The following ATP2A2 variants were observed in gnomAD, a reference collection of about 807,000 sequenced individuals.
ATP2A2 encodes ATPase sarcoplasmic/endoplasmic reticulum Ca2+ transporting 2, also known as sarcoplasmic/endoplasmic reticulum calcium ATPase 2.
In ATP2A2, 14 loss-of-function variants were observed where a neutral mutation model predicts 109.3. The ratio of observed to expected loss-of-function variants is 0.13; its 90% CI spans 0.08 to 0.20. The LOEUF (loss-of-function observed/expected upper bound fraction) is 0.20. Ranked by LOEUF, ATP2A2 falls within the 10% of genes least tolerant of loss-of-function variation. The pLI is 1.00. For synonymous variants in ATP2A2, 506 were observed against 490.9 expected (o/e 1.03, Z -0.41); for missense variants, 657 against 1,321.6 (o/e 0.50, Z 7.80).
chr12:110,287,029 G>C (rs900184416), intron 3 of ATP2A2, among the ~76,000 whole-genome samples: 1 of 152,100 alleles, frequency 6.6e-6, no homozygotes, highest in African/African-American at 2.4e-5. Flanking sequence ...GAGGTGGGTG[G>C]ATCATTTGAG....
chr12:110,321,296 G>A lies in ATP2A2; in HGVS notation c.464-1696G>A, dbSNP rs144342587. ...GACAGGAGTGCTATTTTGCCATTTT[G>A]TATATGACTGGTAACATGCAATTCA... On this transcript the variant is annotated intron_variant, in intron 5 of 19. Transcript: ENST00000539276. Among the ~76,000 whole-genome samples, 231 of 152,284 alleles carry A rather than the reference G, an allele frequency of 1.5e-3. 1 individual carries two copies. The highest frequency in any genetic ancestry group is 5.3e-3 in the African/African-American group (219 of 41,556).
At position 110,341,846 on chromosome 12, in the gene ATP2A2, C is replaced by A. The variant is rs150773563; in HGVS notation, c.2098-382C>A. On this transcript the variant is annotated intron_variant, in intron 14 of 19. Coordinates refer to ENST00000539276, the MANE Select transcript of ATP2A2 (RefSeq NM_170665.4). ...CTGCGCCACTGCACTACAGCCTGGG[C>A]GACAGAGCGGGACTCCATCTCAGAA... Among the ~76,000 whole-genome samples the A allele has an allele frequency of 6.9e-3, 1,047 of 152,282 alleles. 1 individual carries two copies. Among genetic ancestry groups the A allele is most frequent in the Non-Finnish European group, 9.5e-3 (644 of 68,008 alleles).
intron 3 of ATP2A2, among the ~76,000 whole-genome samples, chr12:110,291,272 C>T (rs939834456): frequency 2.0e-5 from 3 of 151,144 alleles, no homozygotes; most frequent in East Asian, 2.0e-4. Context: ...GGCACGATCT[C>T]GGCTCACTGC....
chr12:110,298,667 G>A lies in ATP2A2; in HGVS notation c.463+1930G>A, dbSNP rs149394909. ...CAGGAGGCAGAGGTTGCAGTGAGCC[G>A]AGGTCGTGCCATTTCACTGCAGCCT... On this transcript the variant is annotated intron_variant, in intron 5 of 19. Coordinates refer to ENST00000539276, the MANE Select transcript of ATP2A2 (RefSeq NM_170665.4). Among the ~76,000 whole-genome samples the A allele has an allele frequency of 3.9e-4, 60 of 152,296 alleles. No individual in the cohort carries two copies. The East Asian group carries it at 8.9e-3, about 23-fold the overall frequency.
chr12:110,341,251 T>C (rs1385224229), intron 14 of ATP2A2, among the ~76,000 whole-genome samples: 1 of 152,182 alleles, frequency 6.6e-6, no homozygotes, highest in Non-Finnish European at 1.5e-5. Context: ...AGTCTCTTTT[T>C]TAAATGAGAC....
chr12:110,345,745 C>G (rs1879785184), intron 18 of ATP2A2: 2 of 593,922 alleles, frequency 3.4e-6, no homozygotes, highest in Admixed American at 2.8e-5. Context: ...TAGCCCAAGT[C>G]TCCAGGGCAA....
Position 110,350,067 on chromosome 12 carries a change from C to T in ATP2A2, c.*3597C>T, listed in dbSNP as rs567694516. ...CCAGAGCCTTTATTCTGTAGCCAGA[C>T]GACACGAGGAGTCTGTGTCACTGAG... On this transcript the variant is annotated 3_prime_UTR_variant, in exon 20 of 20. Transcript: ENST00000539276. 59 of 1,433,194 alleles carry T rather than the reference C, an allele frequency of 4.1e-5. No homozygotes were observed. Among genetic ancestry groups the T allele is most frequent in the South Asian group, 3.5e-4 (23 of 66,406 alleles). 88.8% of individuals were successfully genotyped at this position (1,433,194 alleles called of 1,614,324 possible).
intron 11 of ATP2A2, 198 bp downstream of exon 11, chr12:110,334,341 A>G: frequency 1.4e-6 from 1 of 722,934 alleles, no homozygotes; most frequent in Non-Finnish European, 2.3e-6. Context: ...AGCAATCAAT[A>G]GCTAATTTCC....
chr12:110,317,472 G>A (rs556938571), intron 5 of ATP2A2, among the ~76,000 whole-genome samples: 5 of 152,058 alleles, frequency 3.3e-5, no homozygotes, highest in South Asian at 2.1e-4. Flanking sequence ...GTGCAGTGGC[G>A]CAATCTCAGC....
intron 5 of ATP2A2, among the ~76,000 whole-genome samples, chr12:110,314,677 T>G (rs1335199635): frequency 2.6e-5 from 4 of 152,174 alleles, no homozygotes; most frequent in South Asian, 2.1e-4. Context: ...TTGTGAAGAT[T>G]GAATTAGTAA....
At chr12:110,324,388 A>G (rs1877550912) in intron 6 of ATP2A2, among the ~76,000 whole-genome samples, 1 of 152,168 alleles carries the variant, frequency 6.6e-6, no homozygotes, top group Non-Finnish European at 1.5e-5. Flanking sequence ...TGAAATTCTC[A>G]TAGTGTGCCC....
intron 18 of ATP2A2, chr12:110,345,630 T>C: frequency 1.6e-6 from 1 of 619,316 alleles, no homozygotes; most frequent in Non-Finnish European, 2.8e-6. Flanking sequence ...AATAGGAACT[T>C]TGGTACCCCT....
At chr12:110,285,849 A>AAAT (rs1453676318) in intron 3 of ATP2A2, among the ~76,000 whole-genome samples, 1 of 150,488 alleles carries the variant, frequency 6.6e-6, no homozygotes, top group African/African-American at 2.4e-5. Flanking sequence ...CTCAACCTTT[A>AAAT]GGTTACATTT....
intron 8 of ATP2A2, chr12:110,332,114 T>A: frequency 5.4e-6 from 1 of 184,442 alleles, no homozygotes; most frequent in Non-Finnish European, 1.2e-5. Context: ...CGGGAAATGT[T>A]TATGCAACTC....
chr12:110,326,502 A>G, intron 7 of ATP2A2, 27 bp downstream of exon 7: 1 of 1,561,746 alleles, frequency 6.4e-7, no homozygotes, highest in Non-Finnish European at 8.8e-7. Context: ...ATGTGTTTTT[A>G]TTTACAGACA....
chr12:110,316,832 T>G (rs774396362), intron 5 of ATP2A2, among the ~76,000 whole-genome samples: 9 of 152,064 alleles, frequency 5.9e-5, no homozygotes, highest in Non-Finnish European at 1.2e-4. Context: ...AAGAGCATAG[T>G]GTGTGATGCT....
At chr12:110,343,203 CTT>C (rs774073915) in intron 15 of ATP2A2, 27 bp from the exon 16 acceptor site, 109 of 1,609,384 alleles carry the variant, frequency 6.8e-5, no homozygotes, top group Non-Finnish European at 8.8e-5. Context: ...TTTGGGCTCT[CTT>C]TGTCTTCTTT....
chr12:110,282,049 C>A, intron 1 of ATP2A2, 142 bp downstream of exon 1: 1 of 576,092 alleles, frequency 1.7e-6, no homozygotes, highest in South Asian at 2.5e-5. Flanking sequence ...GCGCCGGCCC[C>A]GCGGGAGAGA....
Position 110,342,857 on chromosome 12 carries a change from G to A in ATP2A2, c.2319-375G>A, listed in dbSNP as rs913376146. 1.3e-5 allele frequency among the ~76,000 whole-genome samples: 2 copies of A among 152,102 alleles called. No homozygotes were observed. ...TGTCCCCTCCACCTCCTGGGTTCAAGCCTCCCGAACAGCTGGGATTACAGG... is the reference window on the plus strand; with the variant it reads ...TGTCCCCTCCACCTCCTGGGTTCAAACCTCCCGAACAGCTGGGATTACAGG... On this transcript the variant is annotated intron_variant, in intron 15 of 19. Coordinates refer to ENST00000539276, the MANE Select transcript of ATP2A2 (RefSeq NM_170665.4). This position sits in a 1 kb window ranked among gnomAD's most constrained non-coding sequence, Gnocchi z 4.6.
Sources: allele counts gnomAD v4.1 joint callset (sites outside exome capture counted in the v4.1 genomes callset), GRCh38; gene constraint gnomAD v4.1.1; non-coding constraint Gnocchi (gnomAD v3.1); transcripts MANE v1.5; gene names NCBI Gene and HGNC (gene_info 2026-07-23, HGNC 2026-07-21).